Variants in NKAIN3 observed in about 807,000 individuals in gnomAD.
The protein encoded by NKAIN3 is sodium/potassium-transporting ATPase subunit beta-1-interacting protein 3.
Under a neutral mutation model 30.2 loss-of-function variants are expected in NKAIN3, and 25 were observed. The ratio of observed to expected loss-of-function variants is 0.83; its 90% confidence interval spans 0.60 to 1.16. The LOEUF (loss-of-function observed/expected upper bound fraction) is 1.16, where lower values mean the gene tolerates loss of function less well. Among genes scored for constraint, NKAIN3 ranks in the 50% most tolerant of loss-of-function variants. The pLI is 0.00. For synonymous variants in NKAIN3, 91 were observed against 89.6 expected (o/e 1.02, Z -0.09); for missense variants, 225 against 254.1 (o/e 0.89, Z 0.78).
chr8:62,926,376 C>G (rs61628129), intron 5 of NKAIN3, among the ~76,000 whole-genome samples: 44,396 of 152,046 alleles, frequency 0.29, 6,791 homozygotes, highest in African/African-American at 0.35. Context: ...TGCCAGCCCC[C>G]CTGTGGGTTT....
intron 3 of NKAIN3, among the ~76,000 whole-genome samples, chr8:62,743,584 A>G (rs980519737): frequency 6.6e-6 from 1 of 152,218 alleles, no homozygotes; most frequent in Non-Finnish European, 1.5e-5. Context: ...CCATGTAGAA[A>G]GAAGAACAGA....
intron 4 of NKAIN3, among the ~76,000 whole-genome samples, chr8:62,770,517 T>C (rs1267837882): frequency 6.6e-6 from 1 of 152,186 alleles, no homozygotes; most frequent in Non-Finnish European, 1.5e-5. Context: ...TCTTATTCTA[T>C]CATCACATGG....
chr8:62,283,767 G>T (rs947060126), intron 1 of NKAIN3, among the ~76,000 whole-genome samples: 2 of 151,870 alleles, frequency 1.3e-5, no homozygotes, highest in South Asian at 2.1e-4. Context: ...ATTTCTGTTT[G>T]TCCTATAATG....
chr8:62,363,537 ATGAG>A (rs1157201095), intron 1 of NKAIN3, among the ~76,000 whole-genome samples: 6 of 152,146 alleles, frequency 3.9e-5, no homozygotes, highest in Non-Finnish European at 7.3e-5. Context: ...GTCTCATCAA[ATGAG>A]TGTGTCATCA....
At chr8:62,471,384 G>T (rs1806337576) in intron 1 of NKAIN3, among the ~76,000 whole-genome samples, 4 of 151,902 alleles carry the variant, frequency 2.6e-5, no homozygotes, top group Admixed American at 2.0e-4. Flanking sequence ...CATAGATGCT[G>T]TATTTTTCCT....
intron 4 of NKAIN3, among the ~76,000 whole-genome samples, chr8:62,850,317 G>A (rs1490123532): frequency 2.6e-5 from 4 of 151,960 alleles, no homozygotes; most frequent in Non-Finnish European, 4.4e-5. Flanking sequence ...TTTTTTTCTT[G>A]TAAATTTGTT....
chr8:62,255,813 G>A (rs1272429514), intron 1 of NKAIN3, among the ~76,000 whole-genome samples: 1 of 152,140 alleles, frequency 6.6e-6, no homozygotes, highest in African/African-American at 2.4e-5. Flanking sequence ...CTTTGGATCA[G>A]CAGTATCAGA....
At chr8:62,579,208 A>T (rs774079330) in intron 1 of NKAIN3, among the ~76,000 whole-genome samples, 44 of 152,030 alleles carry the variant, frequency 2.9e-4, no homozygotes, top group Non-Finnish European at 4.4e-4. Context: ...CATAATTTTT[A>T]ATATAAAAAT....
chr8:62,809,331 G>C lies in NKAIN3; in HGVS notation c.471+62202G>C, dbSNP rs536790327. On this transcript the variant is annotated intron_variant, in intron 4 of 6. Coordinates refer to ENST00000623646, the MANE Select transcript of NKAIN3 (RefSeq NM_001304533.3). ...GATTAAGAGATTAAAGTAAAGACAG[G>C]CATAGGAAATCACAAGAGTATTGAT... Among the ~76,000 whole-genome samples, 7 of 152,268 alleles carry C rather than the reference G, an allele frequency of 4.6e-5. No homozygotes were observed. The East Asian group carries it at 1.4e-3, about 29-fold the overall frequency.
chr8:62,670,920 C>T (rs976079196), intron 3 of NKAIN3, among the ~76,000 whole-genome samples: 6 of 146,752 alleles, frequency 4.1e-5, no homozygotes, highest in East Asian at 2.1e-4. Flanking sequence ...CACACACACA[C>T]GTATACACAG....
At chr8:62,798,509 T>C (rs1340435837) in intron 4 of NKAIN3, among the ~76,000 whole-genome samples, 1 of 151,922 alleles carries the variant, frequency 6.6e-6, no homozygotes, top group Non-Finnish European at 1.5e-5. Context: ...GAGGCGGAGC[T>C]TGCAGTGAGC....
At chr8:62,260,358 A>G (rs1253246488) in intron 1 of NKAIN3, among the ~76,000 whole-genome samples, 1 of 152,172 alleles carries the variant, frequency 6.6e-6, no homozygotes, top group Non-Finnish European at 1.5e-5. Context: ...AATTAAGACA[A>G]TGGGATATAT....
chr8:62,973,798 G>A lies in NKAIN3; in HGVS notation c.*8391G>A, dbSNP rs143693419. On this transcript the variant is annotated 3_prime_UTR_variant, in exon 7 of 7. Transcript: ENST00000623646. ...TCTTCTAGGGTTTTAATGGCTTTGG[G>A]TTTTACATTTAAGTTTTTAAGCCAT... Among the ~76,000 whole-genome samples the A allele has an allele frequency of 1.0e-3, 158 of 152,232 alleles. 1 individual carries two copies. The East Asian group carries it at 0.028, about 27-fold the overall frequency.
chr8:62,392,411 A>G (rs1338168709), intron 1 of NKAIN3, among the ~76,000 whole-genome samples: 1 of 152,108 alleles, frequency 6.6e-6, no homozygotes, highest in Non-Finnish European at 1.5e-5. Flanking sequence ...GTTTACAAAC[A>G]TAATTTAAAT....
intron 1 of NKAIN3, among the ~76,000 whole-genome samples, chr8:62,477,370 T>G (rs1439925950): frequency 1.3e-5 from 2 of 151,846 alleles, no homozygotes; most frequent in East Asian, 3.9e-4. Flanking sequence ...AACTGGTGAA[T>G]TGGATGAATG....
chr8:62,817,105 G>A (rs758730962), intron 4 of NKAIN3, among the ~76,000 whole-genome samples: 7 of 152,102 alleles, frequency 4.6e-5, no homozygotes, highest in Non-Finnish European at 7.4e-5. Context: ...GAGGGTCTTT[G>A]TCACTTATTT....
chr8:62,407,411 T>TTGTTTGTTTGTTTTTTGTTTTTTG (rs1563384657), intron 1 of NKAIN3, among the ~76,000 whole-genome samples: 120 of 29,486 alleles, frequency 4.1e-3, no homozygotes, highest in African/African-American at 0.018. Context: ...GTTTTTTTTT[T>TTGTTTGTTTGTTTTTTGTTTTTTG]TTTTTTTTGA....
At chr8:62,861,077 T>G (rs1820224078) in intron 4 of NKAIN3, among the ~76,000 whole-genome samples, 3 of 152,230 alleles carry the variant, frequency 2.0e-5, no homozygotes, top group Admixed American at 2.0e-4. Flanking sequence ...AGTCCTCTTC[T>G]GGGCTTAGCA....
chr8:62,424,585 A>C (rs1460528903), intron 1 of NKAIN3, among the ~76,000 whole-genome samples: 1 of 151,900 alleles, frequency 6.6e-6, no homozygotes, highest in Non-Finnish European at 1.5e-5. Context: ...ATGCAAACCA[A>C]AATTAAAACA....
Sources: gnomAD v4.1 joint callset for allele counts (sites outside exome capture counted in the v4.1 genomes callset) on GRCh38, gnomAD v4.1.1 for gene constraint, MANE v1.5 for transcripts, NCBI Gene and HGNC (gene_info 2026-07-23, HGNC 2026-07-21) for gene names.